The following ARHGAP26 variants were observed in gnomAD, a reference collection of about 807,000 sequenced individuals.
The protein encoded by ARHGAP26 is Rho GTPase activating protein 26.
ARHGAP26 carries 38 observed loss-of-function variants against 104.8 expected under a neutral mutation model. That is an observed-to-expected ratio of 0.36 (90% CI 0.28 to 0.48). The LOEUF (loss-of-function observed/expected upper bound fraction) is 0.48, where lower values mean the gene tolerates loss of function less well. ARHGAP26 is among the 20% of genes least tolerant of loss of function. The pLI is 0.99. For missense variants in ARHGAP26, 704 were observed against 947.9 expected, an observed-to-expected ratio of 0.74 and a Z score of 3.38; for synonymous variants, 341 against 340.0, an observed-to-expected ratio of 1.00 and a Z score of -0.03.
At chr5:142,863,821 G>C (rs1753788072) in intron 1 of ARHGAP26, among the ~76,000 whole-genome samples, 1 of 152,156 alleles carries the variant, frequency 6.6e-6, no homozygotes, top group South Asian at 2.1e-4. Flanking sequence ...AGCTTGAGTA[G>C]CTGTCTCTGC....
intron 20 of ARHGAP26, among the ~76,000 whole-genome samples, chr5:143,156,874 C>G (rs56238527): frequency 0.015 from 2,348 of 152,328 alleles, 26 homozygotes; most frequent in Non-Finnish European, 0.021. Context: ...CATCTCCCCC[C>G]AAAAGCCCAG....
At chr5:142,851,018 A>G (rs1342287599) in intron 1 of ARHGAP26, among the ~76,000 whole-genome samples, 1 of 152,210 alleles carries the variant, frequency 6.6e-6, no homozygotes, top group African/African-American at 2.4e-5. Flanking sequence ...CAGATTAATC[A>G]GGATGGATTT....
At chr5:142,810,326 C>T (rs1423255869) in intron 1 of ARHGAP26, among the ~76,000 whole-genome samples, 5 of 152,166 alleles carry the variant, frequency 3.3e-5, no homozygotes, top group African/African-American at 4.8e-5. Context: ...CAATAATAGT[C>T]GAAAGAATAG....
At chr5:142,834,956 A>G (rs143679460) in intron 1 of ARHGAP26, among the ~76,000 whole-genome samples, 2 of 152,304 alleles carry the variant, frequency 1.3e-5, no homozygotes, top group African/African-American at 4.8e-5. Flanking sequence ...TATTGTTAAT[A>G]CAGAGCTCTA....
chr5:143,099,070 G>C (rs901663637), intron 17 of ARHGAP26, among the ~76,000 whole-genome samples: 8 of 152,190 alleles, frequency 5.3e-5, no homozygotes, highest in East Asian at 1.9e-4. Flanking sequence ...TGTTCTGTAG[G>C]GCAATAAAAC....
At chr5:143,155,822 G>T (rs1178215887) in intron 20 of ARHGAP26, among the ~76,000 whole-genome samples, 2 of 152,132 alleles carry the variant, frequency 1.3e-5, no homozygotes, top group African/African-American at 2.4e-5. Flanking sequence ...TATAAATCTT[G>T]CTAAATAACC....
At chr5:142,995,218 G>A (rs1014851911) in intron 11 of ARHGAP26, among the ~76,000 whole-genome samples, 3 of 152,286 alleles carry the variant, frequency 2.0e-5, no homozygotes, top group Admixed American at 6.5e-5. Context: ...TATCACTAGC[G>A]TGAACAGGCA....
intron 17 of ARHGAP26, among the ~76,000 whole-genome samples, chr5:143,060,650 A>G (rs962098049): frequency 7.2e-5 from 11 of 151,850 alleles, no homozygotes; most frequent in Non-Finnish European, 1.0e-4. Flanking sequence ...CTTGGAATCT[A>G]GTATACAGTC....
At chr5:143,048,476 G>A (rs979538916) in intron 14 of ARHGAP26, among the ~76,000 whole-genome samples, 1 of 151,474 alleles carries the variant, frequency 6.6e-6, no homozygotes, top group African/African-American at 2.4e-5. Flanking sequence ...GCCCAGGCTG[G>A]TCTCAAACTC....
At position 143,106,012 on chromosome 5, in the gene ARHGAP26, A is replaced by G. The variant is rs74725044; in HGVS notation, c.1539-14976A>G. Among the ~76,000 whole-genome samples, 1,147 of 152,078 alleles carry G rather than the reference A, an allele frequency of 7.5e-3. 13 individuals carry two copies. The highest frequency in any genetic ancestry group is 0.026 in the African/African-American group (1,067 of 41,464). On this transcript the variant is annotated intron_variant, in intron 17 of 22. Coordinates refer to ENST00000645722, the MANE Select transcript of ARHGAP26 (RefSeq NM_001135608.3). ...TTCGCAGAGTAGCAGGACTCCCTGA[A>G]CTGTGTTTCTTCCTCTCCCCACAAG...
chr5:142,907,915 T>C (rs1248593427), intron 9 of ARHGAP26, 111 bp downstream of exon 9: 3 of 638,710 alleles, frequency 4.7e-6, no homozygotes, highest in Non-Finnish European at 6.9e-6. Context: ...CATCATAAAT[T>C]TAAAATTAAT....
Position 142,894,346 on chromosome 5 carries a change from C to T in ARHGAP26, c.595C>T (p.Pro199Ser). The change falls in exon 6 of 23, where the codon CCT becomes TCT. Residue 199 changes from proline to serine, a missense_variant and splice_region_variant. Pro to Ser is a moderately conservative substitution (Grantham distance 74, BLOSUM62 -1). Coordinates refer to ENST00000645722, the MANE Select transcript of ARHGAP26 (RefSeq NM_001135608.3). Reference protein sequence around the residue: ...QERKMFEFVEPLLAFLQGLFT... With the variant: ...QERKMFEFVESLLAFLQGLFT... ...GAGAAAGATGTTTGAGTTTGTGGAGCCTGTAAGTAGATATTCAGGGTTTAA... is the reference window on the plus strand; with the variant it reads ...GAGAAAGATGTTTGAGTTTGTGGAGTCTGTAAGTAGATATTCAGGGTTTAA... The T allele has an allele frequency of 3.1e-6, 5 of 1,612,306 alleles. No individual in the cohort carries two copies. Among genetic ancestry groups the T allele is most frequent in the Non-Finnish European group, 4.2e-6 (5 of 1,178,466 alleles).
intron 11 of ARHGAP26, among the ~76,000 whole-genome samples, chr5:142,934,420 C>G (rs1034531043): frequency 6.6e-6 from 1 of 152,224 alleles, no homozygotes; most frequent in African/African-American, 2.4e-5. Context: ...AACCACACTT[C>G]TGTGTGCTTT....
At chr5:143,100,897 C>T (rs921976776) in intron 17 of ARHGAP26, among the ~76,000 whole-genome samples, 1 of 152,152 alleles carries the variant, frequency 6.6e-6, no homozygotes, top group Non-Finnish European at 1.5e-5. Context: ...TCGCGACCAG[C>T]CTGGCCAACA....
At chr5:143,072,997 C>A (rs1397208395) in intron 17 of ARHGAP26, among the ~76,000 whole-genome samples, 2 of 152,058 alleles carry the variant, frequency 1.3e-5, no homozygotes, top group East Asian at 3.9e-4. Flanking sequence ...TCACTATGTA[C>A]CCCATGAATA....
intron 17 of ARHGAP26, among the ~76,000 whole-genome samples, chr5:143,083,294 C>T (rs1023525660): frequency 5.9e-5 from 9 of 152,160 alleles, no homozygotes; most frequent in African/African-American, 1.7e-4. Context: ...TCGCAGTAAC[C>T]GGCCTAATGA....
intron 1 of ARHGAP26, among the ~76,000 whole-genome samples, chr5:142,819,040 A>G (rs992402629): frequency 6.6e-6 from 1 of 152,098 alleles, no homozygotes; most frequent in Admixed American, 6.5e-5. Flanking sequence ...GCAAGGAGAA[A>G]CTGCCTGCTC....
intron 18 of ARHGAP26, among the ~76,000 whole-genome samples, chr5:143,127,298 A>T (rs1796831736): frequency 6.6e-6 from 1 of 152,122 alleles, no homozygotes; most frequent in South Asian, 2.1e-4. Context: ...TGGCTGTGGC[A>T]CTCGAAACGG....
At chr5:142,953,571 A>C (rs1167237758) in intron 11 of ARHGAP26, among the ~76,000 whole-genome samples, 1 of 152,136 alleles carries the variant, frequency 6.6e-6, no homozygotes, top group East Asian at 1.9e-4. Context: ...CTTCCTTTCT[A>C]ATAGGCTCTT....
Sources: allele counts gnomAD v4.1 joint callset (sites outside exome capture counted in the v4.1 genomes callset), GRCh38; gene constraint gnomAD v4.1.1; transcripts MANE v1.5; gene names NCBI Gene and HGNC (gene_info 2026-07-23, HGNC 2026-07-21).